Variants in NTM observed in about 807,000 individuals in gnomAD.
The protein encoded by NTM is neurotrimin, also known as IgLON family member 2.
In NTM, 13 loss-of-function variants were observed where a neutral mutation model predicts 42.1. The ratio of observed to expected loss-of-function variants is 0.31; its 90% confidence interval spans 0.20 to 0.49. The LOEUF (loss-of-function observed/expected upper bound fraction) is 0.49, where lower values mean the gene tolerates loss of function less well. Among genes scored for constraint, NTM ranks in the 20% least tolerant of loss-of-function variants. The pLI is 0.99. For synonymous variants in NTM, 187 were observed against 179.2 expected (o/e 1.04, Z -0.35); for missense variants, 373 against 452.8 (o/e 0.82, Z 1.60).
chr11:131,778,112 A>T (rs1457529664), intron 1 of NTM, among the ~76,000 whole-genome samples: 5 of 152,192 alleles, frequency 3.3e-5, no homozygotes, highest in Non-Finnish European at 7.3e-5. Context: ...ATAGGATGAA[A>T]AGGTAAACCT....
At chr11:132,176,004 T>C (rs571576604) in intron 3 of NTM, among the ~76,000 whole-genome samples, 2 of 152,222 alleles carry the variant, frequency 1.3e-5, no homozygotes, top group African/African-American at 4.8e-5. Context: ...TGTTTGTTTG[T>C]TTTATTTCTG....
chr11:132,181,837 C>T (rs939143672), intron 3 of NTM, among the ~76,000 whole-genome samples: 1 of 152,006 alleles, frequency 6.6e-6, no homozygotes, highest in African/African-American at 2.4e-5. Context: ...ATGCAAATTC[C>T]TTGACCAGAG....
At chr11:131,550,077 A>G (rs1273551657) in intron 1 of NTM, among the ~76,000 whole-genome samples, 1 of 152,220 alleles carries the variant, frequency 6.6e-6, no homozygotes, top group Non-Finnish European at 1.5e-5. Flanking sequence ...CATGAGAATC[A>G]AGGATCTGTA....
At chr11:132,314,969 A>T in intron 7 of NTM, 1 of 1,196,940 alleles carries the variant, frequency 8.4e-7, no homozygotes, top group Non-Finnish European at 1.0e-6. Context: ...ATAAAAGTAG[A>T]TCTCAGAAGT....
At chr11:132,299,545 A>C (rs1209885538) in intron 4 of NTM, among the ~76,000 whole-genome samples, 1 of 152,188 alleles carries the variant, frequency 6.6e-6, no homozygotes, top group Non-Finnish European at 1.5e-5. Flanking sequence ...CTGAGCTGAC[A>C]AAGAGGCAAT....
chr11:131,464,788 G>A (rs1322030031), intron 1 of NTM, among the ~76,000 whole-genome samples: 2 of 152,152 alleles, frequency 1.3e-5, no homozygotes, highest in African/African-American at 4.8e-5. Flanking sequence ...GGTCTGCGAG[G>A]GATCTAGGAG....
chr11:131,417,443 T>G (rs1477861695), intron 1 of NTM, among the ~76,000 whole-genome samples: 1 of 152,212 alleles, frequency 6.6e-6, no homozygotes, highest in East Asian at 1.9e-4. Flanking sequence ...ACTGGAGAGA[T>G]AAGTTAATTG....
rs137862151 is a variant in NTM at position 131,411,237 on chromosome 11, G to A, written c.82+40349G>A. On this transcript the variant is annotated intron_variant, in intron 1 of 8. Coordinates refer to ENST00000683400, the MANE Select transcript of NTM (RefSeq NM_001352005.2). ...AGTCCATGTGCATCACTTATAACGT[G>A]CTTATGAAATTGTAATGCAATGATT... 1.2e-4 allele frequency among the ~76,000 whole-genome samples: 18 copies of A among 152,226 alleles called. No individual in the cohort carries two copies. In the East Asian group the frequency reaches 3.3e-3, roughly 28 times the overall value.
At chr11:131,874,141 T>G (rs1278635647) in intron 1 of NTM, among the ~76,000 whole-genome samples, 1 of 146,616 alleles carries the variant, frequency 6.8e-6, no homozygotes, top group East Asian at 2.0e-4. Context: ...AAAGGCCTTC[T>G]TGGTCTCACC....
intron 1 of NTM, among the ~76,000 whole-genome samples, chr11:131,489,099 C>T (rs1365393279): frequency 3.3e-5 from 5 of 152,186 alleles, no homozygotes; most frequent in Non-Finnish European, 4.4e-5. Context: ...GACCTTCCTC[C>T]GTGGCTCCAG....
rs991073107 is a variant in NTM at position 131,389,374 on chromosome 11, G to C, written c.82+18486G>C. ...TGACAGAACAATTTGCCGGTGCCCA[G>C]AATATCTGCCCAGCCTCGGCAAAGC... On this transcript the variant is annotated intron_variant, in intron 1 of 8. Coordinates refer to ENST00000683400, the MANE Select transcript of NTM (RefSeq NM_001352005.2). Among the ~76,000 whole-genome samples the C allele has an allele frequency of 4.6e-5, 7 of 152,194 alleles. No individual in the cohort carries two copies. The South Asian group carries it at 8.3e-4, about 18-fold the overall frequency.
At chr11:131,564,850 CACACACAT>C (rs2056685963) in intron 1 of NTM, among the ~76,000 whole-genome samples, 1 of 149,488 alleles carries the variant, frequency 6.7e-6, no homozygotes, top group East Asian at 1.9e-4. Flanking sequence ...TGCTCACATG[CACACACAT>C]ACACACACAT....
At chr11:132,040,001 T>G (rs1416232208) in intron 2 of NTM, among the ~76,000 whole-genome samples, 3 of 152,162 alleles carry the variant, frequency 2.0e-5, no homozygotes, top group African/African-American at 7.2e-5. Context: ...CTTGGCTCAC[T>G]GCAGCCTCTG....
chr11:132,067,126 G>C (rs1158012358), intron 2 of NTM, among the ~76,000 whole-genome samples: 2 of 152,060 alleles, frequency 1.3e-5, no homozygotes, highest in Admixed American at 6.6e-5. Flanking sequence ...AGCTAATTTG[G>C]CTAATTTTTG....
intron 1 of NTM, among the ~76,000 whole-genome samples, chr11:131,510,867 C>A (rs2048144232): frequency 1.3e-5 from 2 of 151,984 alleles, no homozygotes; most frequent in Admixed American, 1.3e-4. Context: ...GTCTGCACGG[C>A]CCCCTGGGCC....
intron 1 of NTM, among the ~76,000 whole-genome samples, chr11:131,412,465 A>G (rs919339362): frequency 4.6e-5 from 7 of 152,230 alleles, no homozygotes; most frequent in African/African-American, 9.6e-5. Flanking sequence ...TGTGACTCTT[A>G]TATTCACCTG....
chr11:131,421,467 C>T (rs948473077), intron 1 of NTM, among the ~76,000 whole-genome samples: 1 of 152,188 alleles, frequency 6.6e-6, no homozygotes, highest in African/African-American at 2.4e-5. Context: ...CCCACATAGA[C>T]TCTTTTTTTG....
chr11:131,407,519 G>A (rs993904314), intron 1 of NTM, among the ~76,000 whole-genome samples: 3 of 152,210 alleles, frequency 2.0e-5, no homozygotes, highest in African/African-American at 7.2e-5. Flanking sequence ...CTCGGACCCA[G>A]GGGTGGGACA....
At chr11:132,042,238 T>TA (rs755713344) in intron 2 of NTM, among the ~76,000 whole-genome samples, 1 of 152,158 alleles carries the variant, frequency 6.6e-6, no homozygotes, top group Non-Finnish European at 1.5e-5. Flanking sequence ...AGATGCCAAA[T>TA]AGCAGCCCCT....
Sources: allele counts gnomAD v4.1 joint callset (sites outside exome capture counted in the v4.1 genomes callset), GRCh38; gene constraint gnomAD v4.1.1; transcripts MANE v1.5; gene names NCBI Gene and HGNC (gene_info 2026-07-23, HGNC 2026-07-21).